Variants in MAP2 observed in about 807,000 individuals in gnomAD.
MAP2 encodes the protein microtubule-associated protein 2.
In MAP2, 14 loss-of-function variants were observed where a neutral mutation model predicts 137.6. That is an observed-to-expected ratio of 0.10 (90% CI 0.07 to 0.16). The LOEUF (loss-of-function observed/expected upper bound fraction) is 0.16. Ranked by LOEUF, MAP2 falls within the 10% of genes least tolerant of loss-of-function variation. The probability of loss-of-function intolerance (pLI) is 1.00; values close to 1 mark genes in which losing one functional copy is unlikely to be tolerated. For missense variants in MAP2, 2,088 were observed against 2,191.5 expected (o/e 0.95, Z 0.94); for synonymous variants, 786 against 782.3 (o/e 1.00, Z -0.08).
At chr2:209,539,490 T>C (rs528746425) in intron 2 of MAP2, among the ~76,000 whole-genome samples, 1 of 152,144 alleles carries the variant, frequency 6.6e-6, no homozygotes, top group Non-Finnish European at 1.5e-5. Flanking sequence ...CTATCTAAAG[T>C]CTAGGAAAAC....
intron 3 of MAP2, among the ~76,000 whole-genome samples, chr2:209,613,190 CATG>C (rs1305233789): frequency 2.0e-5 from 3 of 152,112 alleles, no homozygotes; most frequent in African/African-American, 7.2e-5. Context: ...CCACCCAAAA[CATG>C]AGGCAAAGAG....
intron 3 of MAP2, among the ~76,000 whole-genome samples, chr2:209,593,878 A>AATATATTTATATTATTAAAATATATAAGT (rs1300204854): frequency 1.3e-4 from 13 of 96,544 alleles, no homozygotes; most frequent in African/African-American, 5.0e-4. Context: ...ATATTATAAA[A>AATATATTTATATTATTAAAATATATAAGT]ATATATTTAT....
chr2:209,484,443 G>A (rs539591261), intron 1 of MAP2, among the ~76,000 whole-genome samples: 12 of 152,130 alleles, frequency 7.9e-5, no homozygotes, highest in East Asian at 3.9e-4. Flanking sequence ...CGTAATCCCA[G>A]CACTTTGGGA....
chr2:209,667,018 G>C (rs755729311), intron 5 of MAP2, among the ~76,000 whole-genome samples: 1 of 151,100 alleles, frequency 6.6e-6, no homozygotes. Flanking sequence ...TTCTTCACCA[G>C]TTCTGTGGGA....
At chr2:209,511,394 C>A (rs2061699894) in intron 2 of MAP2, among the ~76,000 whole-genome samples, 1 of 152,096 alleles carries the variant, frequency 6.6e-6, no homozygotes, top group Non-Finnish European at 1.5e-5. Context: ...ATACTGACAC[C>A]TAGTTCTAAG....
At chr2:209,463,398 G>T (rs1249993154) in intron 1 of MAP2, among the ~76,000 whole-genome samples, 3 of 152,068 alleles carry the variant, frequency 2.0e-5, no homozygotes, top group Non-Finnish European at 2.9e-5. Context: ...CGTGCTTTCT[G>T]GTCTGCTTTT....
At chr2:209,466,905 T>G (rs1368082810) in intron 1 of MAP2, among the ~76,000 whole-genome samples, 2 of 152,214 alleles carry the variant, frequency 1.3e-5, no homozygotes, top group African/African-American at 4.8e-5. Context: ...CTTTTCCCAC[T>G]AACCCCTCTC....
At chr2:209,623,923 T>C (rs183610027) in intron 3 of MAP2, among the ~76,000 whole-genome samples, 29 of 152,342 alleles carry the variant, frequency 1.9e-4, no homozygotes, top group African/African-American at 6.7e-4. Flanking sequence ...TATGTACTAA[T>C]AGGACTTGTT....
At chr2:209,547,357 A>G (rs567844914) in intron 2 of MAP2, among the ~76,000 whole-genome samples, 64 of 152,172 alleles carry the variant, frequency 4.2e-4, no homozygotes, top group African/African-American at 1.4e-3. Context: ...TTTGCCAAAT[A>G]AAAGTCCCCA....
intron 1 of MAP2, among the ~76,000 whole-genome samples, chr2:209,430,314 C>G (rs1473739603): frequency 6.6e-6 from 1 of 151,612 alleles, no homozygotes; most frequent in Admixed American, 6.6e-5. Flanking sequence ...ACTTCTCAGC[C>G]TGCTAATTTT....
chr2:209,596,152 A>T (rs555625297), intron 3 of MAP2, among the ~76,000 whole-genome samples: 1 of 152,174 alleles, frequency 6.6e-6, no homozygotes, highest in Non-Finnish European at 1.5e-5. Flanking sequence ...CAGTAAAGTG[A>T]CTTCATTGTA....
intron 2 of MAP2, among the ~76,000 whole-genome samples, chr2:209,566,823 T>G (rs1380122519): frequency 6.6e-6 from 1 of 152,130 alleles, no homozygotes; most frequent in Non-Finnish European, 1.5e-5. Flanking sequence ...AAGGTTTCCT[T>G]TTGTGCATTT....
At chr2:209,477,147 C>A (rs1016494828) in intron 1 of MAP2, among the ~76,000 whole-genome samples, 2 of 152,110 alleles carry the variant, frequency 1.3e-5, no homozygotes, top group African/African-American at 4.8e-5. Context: ...GGTGTGCGTA[C>A]TGCACAAGTG....
rs1473270020 is a variant in MAP2, at chr2:209,593,974, T to TTA, written c.-107+13883_-107+13884dup. Reference sequence around the variant, plus strand: ...ATATATACACACACATATTTTAAAATTATATATATACACACACACACAAAT... The same window carrying TTA: ...ATATATACACACACATATTTTAAAATTATATATATATACACACACACACAAAT... On this transcript the variant is annotated intron_variant, in intron 3 of 15. Coordinates refer to ENST00000682079, the MANE Select transcript of MAP2 (RefSeq NM_001375505.1). 3.0e-5 allele frequency among the ~76,000 whole-genome samples: 4 copies of TTA among 131,680 alleles called. No homozygotes were observed. The South Asian group carries it at 6.8e-4, about 22-fold the overall frequency. The allele number at this position is 131,680 out of a possible 152,430, so 86.4% of individuals were successfully genotyped here.
At chr2:209,631,507 G>A (rs1036947363) in intron 4 of MAP2, among the ~76,000 whole-genome samples, 1 of 151,830 alleles carries the variant, frequency 6.6e-6, no homozygotes, top group Non-Finnish European at 1.5e-5. Context: ...GAGGTGAATG[G>A]CCATTTTCCC....
At chr2:209,459,781 T>C (rs1424988264) in intron 1 of MAP2, among the ~76,000 whole-genome samples, 1 of 152,320 alleles carries the variant, frequency 6.6e-6, no homozygotes, top group East Asian at 1.9e-4. Flanking sequence ...GTTTGGGACT[T>C]GCAGGCCCTA....
intron 4 of MAP2, among the ~76,000 whole-genome samples, chr2:209,631,556 A>G (rs2093051283): frequency 6.6e-6 from 1 of 151,878 alleles, no homozygotes; most frequent in African/African-American, 2.4e-5. Context: ...TTTGTCCCTC[A>G]GGCTTCTGTT....
chr2:209,607,293 A>G (rs2085107602), intron 3 of MAP2, among the ~76,000 whole-genome samples: 2 of 152,230 alleles, frequency 1.3e-5, no homozygotes, highest in Non-Finnish European at 2.9e-5. Flanking sequence ...CAACTGGTTC[A>G]CTGACTGCAG....
At chr2:209,688,778 G>T (rs1245744149) in intron 7 of MAP2, among the ~76,000 whole-genome samples, 1 of 152,184 alleles carries the variant, frequency 6.6e-6, no homozygotes, top group Non-Finnish European at 1.5e-5. Flanking sequence ...TAGGCGAAGA[G>T]TTTATTTCCA....
Sources: gnomAD v4.1 joint callset for allele counts (sites outside exome capture counted in the v4.1 genomes callset) on GRCh38, gnomAD v4.1.1 for gene constraint, MANE v1.5 for transcripts, NCBI Gene and HGNC (gene_info 2026-07-23, HGNC 2026-07-21) for gene names.